The following SLC6A4 variants were observed in gnomAD, a reference collection of about 807,000 sequenced individuals.
SLC6A4 encodes sodium-dependent serotonin transporter.
Under a neutral mutation model 73.4 loss-of-function variants are expected in SLC6A4, and 22 were observed. The observed-to-expected ratio is 0.30, with a 90% CI of 0.21 to 0.43. The LOEUF is 0.43. SLC6A4 is among the 20% of genes least tolerant of loss of function. The pLI, the probability that SLC6A4 is intolerant of heterozygous loss-of-function variation, is 1.00. For synonymous variants in SLC6A4, 270 were observed against 315.5 expected (o/e 0.86, Z 1.53); for missense variants, 593 against 808.5 (o/e 0.73, Z 3.23).
At chr17:30,233,882 G>T (rs1907189210) in intron 1 of SLC6A4, among the ~76,000 whole-genome samples, 1 of 152,106 alleles carries the variant, frequency 6.6e-6, no homozygotes, top group Non-Finnish European at 1.5e-5. Context: ...TCCACAACTA[G>T]GAAGGAGAAG....
chr17:30,207,469 C>T (rs1278834856), intron 13 of SLC6A4, among the ~76,000 whole-genome samples: 1 of 152,122 alleles, frequency 6.6e-6, no homozygotes, highest in Non-Finnish European at 1.5e-5. Context: ...CTCACTGCAA[C>T]CTCCGCCTCC....
rs201007598 is a variant in SLC6A4 at position 30,195,871 on chromosome 17, T to G, written c.*2585A>C. ...TTCGCTCTTGTCATCCAGGCTGGAA[T>G]GCAGTGGAACGTTTGGCTCACTGCA... On this transcript the variant is annotated 3_prime_UTR_variant, in exon 15 of 15. Transcript: ENST00000650711. 1 of 151,486 alleles carries G rather than the reference T, an allele frequency of 6.6e-6. No individual in the cohort carries two copies. The highest frequency in any genetic ancestry group is 1.5e-5 in the Non-Finnish European group (1 of 67,954). The allele number at this position is 151,486 out of a possible 1,614,324, so 9.4% of individuals were successfully genotyped here.
At chr17:30,231,330 C>T (rs1372538619) in intron 1 of SLC6A4, among the ~76,000 whole-genome samples, 3 of 150,640 alleles carry the variant, frequency 2.0e-5, no homozygotes, top group Non-Finnish European at 4.4e-5. Flanking sequence ...TATATATACA[C>T]ACTATATATA....
intron 8 of SLC6A4, 117 bp downstream of exon 8, chr17:30,215,494 G>T: frequency 2.5e-6 from 2 of 803,818 alleles, no homozygotes; most frequent in Non-Finnish European, 2.2e-6. Flanking sequence ...AGGGGCAGTG[G>T]TATCAAGGCC....
At chr17:30,209,059 GC>G (rs34828373) in intron 12 of SLC6A4, 83 bp downstream of exon 12, 1 of 939,874 alleles carries the variant, frequency 1.1e-6, no homozygotes, top group Non-Finnish European at 1.7e-6. Context: ...GCCCCTCACA[GC>G]CTTTTTTGGT....
chr17:30,227,579 G>A (rs1459758105), intron 1 of SLC6A4, among the ~76,000 whole-genome samples: 2 of 151,984 alleles, frequency 1.3e-5, no homozygotes, highest in African/African-American at 4.8e-5. Context: ...TCAACCTCCC[G>A]GGCTCAAGGA....
intron 4 of SLC6A4, 103 bp from the exon 5 acceptor site, chr17:30,218,440 GGTA>G: frequency 1.2e-6 from 1 of 842,104 alleles, no homozygotes; most frequent in Non-Finnish European, 1.9e-6. Context: ...CCAGCAGAGG[GGTA>G]CACGTGGGTG....
chr17:30,213,387 CT>C (rs1490726283), intron 8 of SLC6A4, among the ~76,000 whole-genome samples: 1 of 149,780 alleles, frequency 6.7e-6, no homozygotes, highest in East Asian at 2.0e-4. Context: ...ACTGTACCCT[CT>C]GCCTCCCGGG....
chr17:30,211,221 G>A lies in SLC6A4; in HGVS notation c.1317+91C>T. The A allele has an allele frequency of 1.2e-6, 1 of 832,550 alleles. No individual in the cohort carries two copies. Among genetic ancestry groups the A allele is most frequent in the Non-Finnish European group, 2.0e-6 (1 of 505,108 alleles). 51.6% of individuals were successfully genotyped at this position (832,550 alleles called of 1,614,324 possible). ...GGGAGTAGCCAAAGCTGCCTGGGAT[G>A]GCCAGGGATGGGAGGGAATTGAGTC... On this transcript the variant is annotated intron_variant, in intron 10 of 14. Transcript: ENST00000650711. The surrounding 1 kb of genome is among the most constrained non-coding windows in gnomAD (Gnocchi z 4.0).
intron 9 of SLC6A4, 93 bp downstream of exon 9, chr17:30,212,647 T>C (rs944800671): frequency 1.4e-6 from 2 of 1,460,746 alleles, no homozygotes; most frequent in African/African-American, 1.4e-5. Flanking sequence ...TTCAGGAACA[T>C]TTAGAAATAA....
chr17:30,215,589 C>T (rs112622620), intron 8 of SLC6A4, 22 bp downstream of exon 8: 19 of 1,594,526 alleles, frequency 1.2e-5, no homozygotes, highest in African/African-American at 9.4e-5. Context: ...TCAAGCTTTG[C>T]TTGGGGACCC....
rs1905800671 is a variant in SLC6A4 at position 30,194,753 on chromosome 17, T to C, written c.*3703A>G. ...GACATCCTTCCTCACCAAATATTTT[T>C]GTTTGGACTGTCAGTGTTTAAAAAT... is the stretch of plus-strand genomic sequence containing the variant. On this transcript the variant is annotated 3_prime_UTR_variant, in exon 15 of 15. Transcript: ENST00000650711. 1 of 152,240 alleles carries C rather than the reference T, an allele frequency of 6.6e-6. No individual in the cohort carries two copies. Among genetic ancestry groups the C allele is most frequent in the African/African-American group, 2.4e-5 (1 of 41,468 alleles). The allele number at this position is 152,240 out of a possible 1,614,324, so 9.4% of individuals were successfully genotyped here.
chr17:30,212,624 T>G (rs908584180), intron 9 of SLC6A4, 116 bp downstream of exon 9: 138 of 1,277,916 alleles, frequency 1.1e-4, no homozygotes, highest in Non-Finnish European at 1.4e-4. Context: ...ATGCCCAGCC[T>G]TCTTTGGAAA....
In SLC6A4 at chr17:30,212,684, T is replaced by G. The variant is rs577385383; in HGVS notation, c.1204+56A>C. Reference sequence around the variant, plus strand: ...TCAAAAGTTAGATCTTTACAAAGATTCAAAGCAAAGCAACTCAGTAGGAGC... The same window carrying G: ...TCAAAAGTTAGATCTTTACAAAGATGCAAAGCAAAGCAACTCAGTAGGAGC... On this transcript the variant is annotated intron_variant, in intron 9 of 14. Coordinates refer to ENST00000650711, the MANE Select transcript of SLC6A4 (RefSeq NM_001045.6). 31 of 1,579,418 alleles carry G rather than the reference T, an allele frequency of 2.0e-5. No homozygotes were observed. The Admixed American group carries it at 5.4e-4, about 27-fold the overall frequency.
At chr17:30,225,707 G>A (rs1045336779) in intron 1 of SLC6A4, among the ~76,000 whole-genome samples, 2 of 152,146 alleles carry the variant, frequency 1.3e-5, no homozygotes, top group East Asian at 3.9e-4. Flanking sequence ...TGAGGGTGGT[G>A]CCGTGGACCC....
At position 30,197,914 on chromosome 17, in the gene SLC6A4, T is replaced by C. The variant is rs1905914418; in HGVS notation, c.*542A>G. ...TGCATGGACACACTATTTTTCATTT[T>C]AGCTTCTTACATCTTCCTTTCCTGA... On this transcript the variant is annotated 3_prime_UTR_variant, in exon 15 of 15. Transcript: ENST00000650711. 6.5e-6 allele frequency: 1 copy of C among 153,376 alleles called. No individual in the cohort carries two copies. Among genetic ancestry groups the C allele is most frequent in the Non-Finnish European group, 1.5e-5 (1 of 68,454 alleles). The allele number at this position is 153,376 out of a possible 1,614,324, so 9.5% of individuals were successfully genotyped here. A position where few individuals can be genotyped will look rare whatever the true frequency, so the allele number is the denominator to read the frequency against.
At position 30,217,357 on chromosome 17, in the gene SLC6A4, G is replaced by C. The variant is rs1177566758; in HGVS notation, c.699-53C>G. 4 of 1,571,948 alleles carry C rather than the reference G, an allele frequency of 2.5e-6. No individual in the cohort carries two copies. In the African/African-American group the frequency reaches 5.4e-5, roughly 21 times the overall value. On this transcript the variant is annotated intron_variant, in intron 5 of 14. Transcript: ENST00000650711. ...TGAGAGGCTCTGTAGAGTGACCTGG[G>C]CACACATCTGTGCTGCTCCTTTGAG...
chr17:30,210,717 G>A, intron 10 of SLC6A4, 71 bp from the exon 11 acceptor site: 1 of 1,511,242 alleles, frequency 6.6e-7, no homozygotes, highest in Non-Finnish European at 8.9e-7. Flanking sequence ...ACAGTGAACA[G>A]GAGGGAGGGG....
In SLC6A4 at chr17:30,211,132, T is replaced by C. The variant is rs1442819067; in HGVS notation, c.1317+180A>G. 6.6e-6 allele frequency among the ~76,000 whole-genome samples: 1 copy of C among 152,208 alleles called. No homozygotes were observed. Reference sequence around the variant, plus strand: ...CGCTTGACCCACTTTATCCCATTAATGACTCGAATGTACCAGAGGGTGGTA... The same window carrying C: ...CGCTTGACCCACTTTATCCCATTAACGACTCGAATGTACCAGAGGGTGGTA... On this transcript the variant is annotated intron_variant, in intron 10 of 14. Coordinates refer to ENST00000650711, the MANE Select transcript of SLC6A4 (RefSeq NM_001045.6). This position sits in a 1 kb window ranked among gnomAD's most constrained non-coding sequence, Gnocchi z 4.0.
Sources: gnomAD v4.1 joint callset for allele counts (sites outside exome capture counted in the v4.1 genomes callset) on GRCh38, gnomAD v4.1.1 for gene constraint, Gnocchi (gnomAD v3.1) non-coding constraint, MANE v1.5 for transcripts, NCBI Gene and HGNC (gene_info 2026-07-23, HGNC 2026-07-21) for gene names.